Variants in DGKD observed in about 807,000 individuals in gnomAD.
DGKD encodes the protein DAG kinase delta.
In DGKD, 68 loss-of-function variants were observed where a neutral mutation model predicts 154.4. That is an observed-to-expected ratio of 0.44 (90% confidence interval 0.36 to 0.54). The LOEUF (loss-of-function observed/expected upper bound fraction) is 0.54. Among genes scored for constraint, DGKD ranks in the 20% least tolerant of loss-of-function variants. The probability of loss-of-function intolerance (pLI) is 0.00; values close to 1 mark genes in which losing one functional copy is unlikely to be tolerated. For missense variants in DGKD, 1,343 were observed against 1,593.6 expected (o/e 0.84, Z 2.68); for synonymous variants, 693 against 638.0 (o/e 1.09, Z -1.30).
rs2062775173 is a variant in DGKD at position 233,438,566 on chromosome 2, T to C, written c.1085+187T>C. 6.6e-6 allele frequency among the ~76,000 whole-genome samples: 1 copy of C among 152,172 alleles called. No individual in the cohort carries two copies. The highest frequency in any genetic ancestry group is 1.5e-5 in the Non-Finnish European group (1 of 68,028). On this transcript the variant is annotated intron_variant, in intron 9 of 29. Transcript: ENST00000264057. This position sits in a 1 kb window ranked among gnomAD's most constrained non-coding sequence, Gnocchi z 4.1. ...ATAGAGGTGCATGGCCTTCCAACTT[T>C]GAACACAGTGCGCGTGTGCACACAC...
chr2:233,440,687 C>A lies in DGKD; in HGVS notation c.1086-1200C>A, dbSNP rs1005512819. ...GCAGCAGCAGAAAGGTGGCACCTGC[C>A]GTCAGGGAGGGCTGCGGGTGCTGGC... On this transcript the variant is annotated intron_variant, in intron 9 of 29. Coordinates refer to ENST00000264057, the MANE Select transcript of DGKD (RefSeq NM_152879.3). The surrounding 1 kb of genome is among the most constrained non-coding windows in gnomAD (Gnocchi z 4.9). Among the ~76,000 whole-genome samples the A allele has an allele frequency of 2.0e-5, 3 of 152,178 alleles. No individual in the cohort carries two copies. Among genetic ancestry groups the A allele is most frequent in the Admixed American group, 2.0e-4 (3 of 15,282 alleles).
intron 10 of DGKD, among the ~76,000 whole-genome samples, chr2:233,444,302 C>T (rs1322854747): frequency 2.0e-5 from 3 of 152,120 alleles, no homozygotes; most frequent in Non-Finnish European, 4.4e-5. Context: ...TGTCCTCAGT[C>T]CTGCCACCCA....
chr2:233,434,378 A>C lies in DGKD; in HGVS notation c.349-2A>C. On this transcript the variant is annotated splice_acceptor_variant, in intron 3 of 29. Transcript: ENST00000264057. LOFTEE classifies it high-confidence loss of function. ...ATCTGTTGAACCTGTTTCTTTCTCT[A>C]GGTCATAACTCCATGCAGGAAGCTC... 1 of 1,612,694 alleles carries C rather than the reference A, an allele frequency of 6.2e-7. No homozygotes were observed. The highest frequency in any genetic ancestry group is 8.5e-7 in the Non-Finnish European group (1 of 1,178,972).
chr2:233,446,817 A>G, intron 12 of DGKD, 21 bp downstream of exon 12: 5 of 1,613,728 alleles, frequency 3.1e-6, no homozygotes, highest in Non-Finnish European at 4.2e-6. Context: ...CCTGTTCTTC[A>G]CACCCTGCTC....
At chr2:233,447,493 T>C in intron 12 of DGKD, 1 of 985,238 alleles carries the variant, frequency 1.0e-6, no homozygotes, top group African/African-American at 1.7e-5. Flanking sequence ...GACTGGTTTG[T>C]ACATTTTTTA....
Position 233,434,508 on chromosome 2 carries a change from C to G in DGKD, c.453+24C>G, listed in dbSNP as rs762736041. 5 of 1,602,112 alleles carry G rather than the reference C, an allele frequency of 3.1e-6. No homozygotes were observed. In the African/African-American group the frequency reaches 6.7e-5, roughly 21 times the overall value. On this transcript the variant is annotated intron_variant, in intron 4 of 29. Coordinates refer to ENST00000264057, the MANE Select transcript of DGKD (RefSeq NM_152879.3). ...AGGTTAAAAAAGAAAATACCCTTCT[C>G]CAAATGCCTCCTGTTGCCTCCCTCA...
At chr2:233,360,373 C>T (rs950185930) in intron 1 of DGKD, among the ~76,000 whole-genome samples, 3 of 152,138 alleles carry the variant, frequency 2.0e-5, no homozygotes, top group East Asian at 1.9e-4. Context: ...GCCTCAGCCA[C>T]CTGAGTAGCT....
chr2:233,396,434 A>G (rs1704034295), intron 3 of DGKD, among the ~76,000 whole-genome samples: 1 of 133,770 alleles, frequency 7.5e-6, no homozygotes, highest in East Asian at 2.1e-4. Context: ...CGTGGGCCAC[A>G]CACCATGCTG....
chr2:233,463,257 A>T (rs973813625), intron 26 of DGKD, among the ~76,000 whole-genome samples: 3 of 151,612 alleles, frequency 2.0e-5, no homozygotes, highest in Non-Finnish European at 4.4e-5. Flanking sequence ...TCCGCACGCC[A>T]CTCACCTCCT....
rs761721646 is a variant in DGKD at position 233,457,524 on chromosome 2, G to A, written c.2580+196G>A. ...AGGGCTGAGCAGAGCAGTTGTGTCA[G>A]TGAAGGTGGTCAGTGAGGGTCTGTG... On this transcript the variant is annotated intron_variant, in intron 21 of 29. Transcript: ENST00000264057. This position sits in a 1 kb window ranked among gnomAD's most constrained non-coding sequence, Gnocchi z 5.5. 3.0e-6 allele frequency: 2 copies of A among 676,394 alleles called. No individual in the cohort carries two copies. The highest frequency in any genetic ancestry group is 2.7e-6 in the Non-Finnish European group (1 of 367,882). The allele number at this position is 676,394 out of a possible 1,614,324, so 41.9% of individuals were successfully genotyped here.
chr2:233,438,302 GA>G lies in DGKD; in HGVS notation c.1010del (p.Lys337SerfsTer10), dbSNP rs1242133094. On this transcript the variant is annotated frameshift_variant, in exon 9 of 30. Transcript: ENST00000264057. LOFTEE classifies it high-confidence loss of function. The surrounding 1 kb of genome is among the most constrained non-coding windows in gnomAD (Gnocchi z 4.1). Reference protein sequence around the residue: ...NSKSGDNQGVKFLRRFKQLLN... With the variant: ...NSKSGDNQGVXFLRRFKQLLN... ...CAAAAAGTGGGGACAACCAGGGTGT[GA>G]AGTTCCTCAGAAGATTCAAACAGCT... 6.2e-7 allele frequency: 1 copy of G among 1,614,086 alleles called. No individual in the cohort carries two copies. The highest frequency in any genetic ancestry group is 8.5e-7 in the Non-Finnish European group (1 of 1,180,042).
chr2:233,447,679 G>A (rs2063129577), intron 12 of DGKD: 70 of 1,062,658 alleles, frequency 6.6e-5, no homozygotes, highest in Non-Finnish European at 8.0e-5. Flanking sequence ...CAGATGGTGG[G>A]GGCAGGAGTG....
At chr2:233,371,653 GT>G (rs1205089577) in intron 1 of DGKD, among the ~76,000 whole-genome samples, 4 of 152,146 alleles carry the variant, frequency 2.6e-5, no homozygotes, top group Non-Finnish European at 2.9e-5. Flanking sequence ...CACGAGTTTT[GT>G]AGTTTCAGCT....
intron 8 of DGKD, 60 bp downstream of exon 8, chr2:233,437,539 C>A: frequency 6.7e-7 from 1 of 1,495,768 alleles, no homozygotes; most frequent in Non-Finnish European, 9.3e-7. Context: ...TCTCCACGCA[C>A]TTTCTCTTCT....
At chr2:233,428,971 C>G (rs995160015) in intron 3 of DGKD, among the ~76,000 whole-genome samples, 2 of 152,190 alleles carry the variant, frequency 1.3e-5, no homozygotes, top group African/African-American at 4.8e-5. Flanking sequence ...CTGCAAACAA[C>G]AGCACAGGTG....
At chr2:233,371,158 ATGTT>A (rs1202893849) in intron 1 of DGKD, among the ~76,000 whole-genome samples, 3 of 152,168 alleles carry the variant, frequency 2.0e-5, no homozygotes, top group Admixed American at 2.0e-4. Flanking sequence ...GCACCATTGT[ATGTT>A]CCCTCCAGCA....
At chr2:233,356,693 CGAGGACTTA>C (rs1218148419) in intron 1 of DGKD, among the ~76,000 whole-genome samples, 12 of 152,090 alleles carry the variant, frequency 7.9e-5, no homozygotes, top group Non-Finnish European at 1.3e-4. Flanking sequence ...AAATACACCC[CGAGGACTTA>C]GAGTTTCTGA....
At chr2:233,397,234 T>A (rs28402880) in intron 3 of DGKD, among the ~76,000 whole-genome samples, 38 of 14,724 alleles carry the variant, frequency 2.6e-3, no homozygotes, top group Admixed American at 8.1e-3. Flanking sequence ...GTGAGAGGAC[T>A]CCAGAGGGGA....
intron 1 of DGKD, among the ~76,000 whole-genome samples, chr2:233,381,660 C>T (rs190374941): frequency 3.5e-4 from 53 of 152,274 alleles, no homozygotes; most frequent in Admixed American, 2.2e-3. Flanking sequence ...GCATGCCTTA[C>T]GTTTTGTGAA....
Sources: allele counts gnomAD v4.1 joint callset (sites outside exome capture counted in the v4.1 genomes callset), GRCh38; gene constraint gnomAD v4.1.1; non-coding constraint Gnocchi (gnomAD v3.1); transcripts MANE v1.5; gene names NCBI Gene and HGNC (gene_info 2026-07-23, HGNC 2026-07-21).